The following NR2F1-AS1 variants were observed in gnomAD, a reference collection of about 807,000 sequenced individuals.
NR2F1-AS1 encodes NR2F1 regulatory antisense RNA 1.
chr5:93,551,659 A>AT (rs1752233060), intron 4 of NR2F1-AS1, among the ~76,000 whole-genome samples: 1 of 152,060 alleles, frequency 6.6e-6, no homozygotes, highest in Non-Finnish European at 1.5e-5. Context: ...ACTCTTCATA[A>AT]TTTTCAAGCA....
chr5:93,436,973 A>G (rs1256701357), intron 4 of NR2F1-AS1, among the ~76,000 whole-genome samples: 1 of 150,812 alleles, frequency 6.6e-6, no homozygotes, highest in East Asian at 1.9e-4. Context: ...TTTAAGTGAA[A>G]CTCATTATCT....
chr5:93,520,431 C>T (rs1165751502), intron 4 of NR2F1-AS1, among the ~76,000 whole-genome samples: 1 of 151,996 alleles, frequency 6.6e-6, no homozygotes, highest in Non-Finnish European at 1.5e-5. Flanking sequence ...AGACTAATCA[C>T]TGAAATTTTA....
upstream of NR2F1-AS1, chr5:93,585,293 G>T (rs1349953924): frequency 1.2e-6 from 2 of 1,607,468 alleles, no homozygotes. Context: ...TGGTGTGCGG[G>T]GACAAGTCGA....
intron 1 of NR2F1-AS1, among the ~76,000 whole-genome samples, chr5:93,578,808 T>C (rs1448367555): frequency 6.6e-6 from 1 of 152,222 alleles, no homozygotes; most frequent in African/African-American, 2.4e-5. Context: ...GGGATCTAAG[T>C]ACTCTCGAAA....
At chr5:93,485,826 C>T (rs529312583) in intron 4 of NR2F1-AS1, among the ~76,000 whole-genome samples, 569 of 148,160 alleles carry the variant, frequency 3.8e-3, no homozygotes, top group Middle Eastern at 6.8e-3. Context: ...ATGTTTATTG[C>T]GGCATTATTC....
chr5:93,535,302 C>T (rs953255354), intron 4 of NR2F1-AS1, among the ~76,000 whole-genome samples: 1 of 150,544 alleles, frequency 6.6e-6, no homozygotes, highest in Non-Finnish European at 1.5e-5. Context: ...AAATAAAAAA[C>T]AATGTGAAAA....
chr5:93,527,502 A>G (rs1751642465), intron 4 of NR2F1-AS1, among the ~76,000 whole-genome samples: 1 of 152,184 alleles, frequency 6.6e-6, no homozygotes, highest in African/African-American at 2.4e-5. Context: ...ACTACTTTAA[A>G]CTTCATATGG....
intron 4 of NR2F1-AS1, among the ~76,000 whole-genome samples, chr5:93,536,388 T>C (rs2149902988): frequency 6.6e-6 from 1 of 152,210 alleles, no homozygotes; most frequent in Non-Finnish European, 1.5e-5. Flanking sequence ...TTTAATGCAA[T>C]ACCTGTCAAA....
At chr5:93,418,579 C>T (rs1018381912) in intron 4 of NR2F1-AS1, among the ~76,000 whole-genome samples, 16 of 144,472 alleles carry the variant, frequency 1.1e-4, no homozygotes, top group African/African-American at 4.3e-4. Flanking sequence ...AGCGAGACGC[C>T]GTCTCATAAA....
chr5:93,484,054 C>T (rs899574020), intron 4 of NR2F1-AS1, among the ~76,000 whole-genome samples: 4 of 152,158 alleles, frequency 2.6e-5, no homozygotes, highest in African/African-American at 9.7e-5. Context: ...AGAACTTCCC[C>T]AACCTAGCAA....
At chr5:93,558,850 A>G (rs1200300420) in intron 2 of NR2F1-AS1, among the ~76,000 whole-genome samples, 1 of 152,226 alleles carries the variant, frequency 6.6e-6, no homozygotes, top group Non-Finnish European at 1.5e-5. Context: ...AATATTCAAT[A>G]AACTATGTGA....
At chr5:93,554,382 G>C (rs1752301272) in intron 3 of NR2F1-AS1, among the ~76,000 whole-genome samples, 1 of 151,988 alleles carries the variant, frequency 6.6e-6, no homozygotes, top group African/African-American at 2.4e-5. Context: ...AAATATTTTA[G>C]TTACTAGCTA....
chr5:93,544,184 G>A (rs1752022292), intron 4 of NR2F1-AS1, among the ~76,000 whole-genome samples: 1 of 152,042 alleles, frequency 6.6e-6, no homozygotes, highest in South Asian at 2.1e-4. Flanking sequence ...GTAATTAAAT[G>A]AACAAATATA....
intron 4 of NR2F1-AS1, among the ~76,000 whole-genome samples, chr5:93,513,442 A>G (rs1211685453): frequency 6.6e-6 from 1 of 152,218 alleles, no homozygotes; most frequent in African/African-American, 2.4e-5. Flanking sequence ...AATTGGATAA[A>G]GAAAATGTGG....
upstream of NR2F1-AS1, among the ~76,000 whole-genome samples, chr5:93,582,283 AAAAG>A (rs1309494293): frequency 4.0e-5 from 6 of 151,838 alleles, no homozygotes; most frequent in East Asian, 3.9e-4. Context: ...AAAAAAAAAA[AAAAG>A]AAGAAGGAAA....
upstream of NR2F1-AS1, chr5:93,584,977 C>T: frequency 3.2e-6 from 3 of 949,522 alleles, no homozygotes; most frequent in Non-Finnish European, 3.8e-6. Flanking sequence ...CCCCGCGGCC[C>T]TCGGCGAGCA....
intron 1 of NR2F1-AS1, among the ~76,000 whole-genome samples, chr5:93,576,502 A>G (rs1752898518): frequency 6.6e-6 from 1 of 151,676 alleles, no homozygotes; most frequent in Admixed American, 6.6e-5. Context: ...TGTAATAAAT[A>G]TATCTTTCCA....
At chr5:93,480,255 C>A (rs1750573585) in intron 4 of NR2F1-AS1, among the ~76,000 whole-genome samples, 1 of 152,038 alleles carries the variant, frequency 6.6e-6, no homozygotes, top group South Asian at 2.1e-4. Context: ...AGAGAAAAAT[C>A]TTGAAATCAG....
intron 4 of NR2F1-AS1, among the ~76,000 whole-genome samples, chr5:93,416,504 A>G (rs1050131529): frequency 2.0e-5 from 3 of 152,226 alleles, no homozygotes; most frequent in African/African-American, 4.8e-5. Flanking sequence ...TGAAAAGTCT[A>G]AAGTATGGAC....
Sources: allele counts gnomAD v4.1 joint callset (sites outside exome capture counted in the v4.1 genomes callset), GRCh38; gene constraint gnomAD v4.1.1; transcripts MANE v1.5; gene names NCBI Gene and HGNC (gene_info 2026-07-23, HGNC 2026-07-21).